The following EIF4A3 variants were observed in gnomAD, a reference collection of about 807,000 sequenced individuals.
EIF4A3 encodes the protein eukaryotic initiation factor 4A-III.
Under a neutral mutation model 55.6 loss-of-function variants are expected in EIF4A3, and 1 was observed. That is an observed-to-expected ratio of 0.02 (90% confidence interval 0.01 to 0.09). The LOEUF (loss-of-function observed/expected upper bound fraction) is 0.09, where lower values mean the gene tolerates loss of function less well. EIF4A3 is among the 10% of genes least tolerant of loss of function. The pLI, the probability that EIF4A3 is intolerant of heterozygous loss-of-function variation, is 1.00. For missense variants in EIF4A3, 221 were observed against 540.7 expected, an observed-to-expected ratio of 0.41 and a Z score of 5.86; for synonymous variants, 194 against 196.3, an observed-to-expected ratio of 0.99 and a Z score of 0.10.
At chr17:80,145,988 A>T (rs1234886904) in intron 1 of EIF4A3, among the ~76,000 whole-genome samples, 1 of 152,070 alleles carries the variant, frequency 6.6e-6, no homozygotes, top group African/African-American at 2.4e-5. Context: ...AAATCTACAG[A>T]CACCCAGAAG....
At chr17:80,146,686 C>G in intron 1 of EIF4A3, 107 bp downstream of exon 1, 1 of 1,355,466 alleles carries the variant, frequency 7.4e-7, no homozygotes, top group Non-Finnish European at 9.8e-7. Flanking sequence ...ACCCTGACCA[C>G]GACCTCCGGA....
chr17:80,141,231 T>C (rs1292318879), intron 4 of EIF4A3, 88 bp downstream of exon 4: 9 of 1,369,918 alleles, frequency 6.6e-6, no homozygotes, highest in Non-Finnish European at 9.1e-6. Flanking sequence ...GAAAACAGGA[T>C]TGGATTAAAT....
intron 11 of EIF4A3, 61 bp from the exon 12 acceptor site, chr17:80,135,567 G>A (rs149793867): frequency 1.1e-5 from 16 of 1,466,812 alleles, no homozygotes; most frequent in Admixed American, 8.4e-5. Context: ...ATTTGTTAAC[G>A]TAAATTTAAC....
chr17:80,143,543 C>T (rs1432469665), intron 2 of EIF4A3, among the ~76,000 whole-genome samples: 1 of 152,172 alleles, frequency 6.6e-6, no homozygotes, highest in African/African-American at 2.4e-5. Context: ...AAGCCCCACA[C>T]CTCTGCTCAC....
intron 1 of EIF4A3, among the ~76,000 whole-genome samples, chr17:80,146,504 G>T (rs377242618): frequency 6.6e-6 from 1 of 152,222 alleles, no homozygotes; most frequent in African/African-American, 2.4e-5. Flanking sequence ...GTAGAAATCA[G>T]TTATCTGCTG....
In EIF4A3 at chr17:80,138,385, G is replaced by A. The variant is rs1045498680; in HGVS notation, c.729-105C>T. ...AGACCCTGGTGGAAAAGGTCACACC[G>A]TGATATCTGGTGCAGACCCAGCAGC... is the stretch of plus-strand genomic sequence containing the variant. On this transcript the variant is annotated intron_variant, in intron 7 of 11. Coordinates refer to ENST00000649764, the MANE Select transcript of EIF4A3 (RefSeq NM_014740.4). The A allele has an allele frequency of 1.5e-5, 21 of 1,410,472 alleles. No homozygotes were observed. The African/African-American group carries it at 1.7e-4, about 11-fold the overall frequency. 87.4% of individuals were successfully genotyped at this position (1,410,472 alleles called of 1,614,324 possible).
chr17:80,134,457 G>C lies in EIF4A3; in HGVS notation c.*1033C>G, dbSNP rs967786515. ...GTTTGTCAACATTGTGGTAAGTCAT[G>C]ATCCTGCCACTATACTCCTGCCTGG... On this transcript the variant is annotated 3_prime_UTR_variant, in exon 12 of 12. Transcript: ENST00000649764. Among the ~76,000 whole-genome samples, 41 of 152,088 alleles carry C rather than the reference G, an allele frequency of 2.7e-4. No individual in the cohort carries two copies. The highest frequency in any genetic ancestry group is 2.3e-3 in the Admixed American group (35 of 15,280).
chr17:80,146,988 C>A lies in EIF4A3; in HGVS notation c.-27G>T. The stretch of plus-strand genomic sequence containing the variant: ...ATTCAGAGTCCGCGGAAGAGCACAG[C>A]GCGCGCCGCTGCCGACCTCGCTGCC... On this transcript the variant is annotated 5_prime_UTR_variant, in exon 1 of 12. Coordinates refer to ENST00000649764, the MANE Select transcript of EIF4A3 (RefSeq NM_014740.4). 1.3e-6 allele frequency: 2 copies of A among 1,560,568 alleles called. No individual in the cohort carries two copies. Among genetic ancestry groups the A allele is most frequent in the East Asian group, 2.5e-5 (1 of 39,920 alleles).
chr17:80,139,119 T>C lies in EIF4A3; in HGVS notation c.630A>G (p.Pro210=), dbSNP rs1359360389. ...QIYDVYRYLP[P]ATQVVLISAT... is the part of the protein sequence containing the mutation. Reference sequence around the variant, plus strand: ...CACTGATGAGAACCACCTGTGTGGCTGGAGGCAGGTACCTGTATACATCGT... The same window carrying C: ...CACTGATGAGAACCACCTGTGTGGCCGGAGGCAGGTACCTGTATACATCGT... The change falls in exon 7 of 12, where the codon CCA becomes CCG. Residue 210 remains proline (P), a synonymous_variant. Transcript: ENST00000649764. 6.2e-7 allele frequency: 1 copy of C among 1,614,028 alleles called. No homozygotes were observed. The highest frequency in any genetic ancestry group is 8.5e-7 in the Non-Finnish European group (1 of 1,180,044).
At position 80,136,378 on chromosome 17, in the gene EIF4A3, C is replaced by A. The variant is rs776258081; in HGVS notation, c.984-43G>T. ...GTTTGAGGCGATTAAATTACTCATACAAGTGTAAGACTGGACTTGCTTCCA... is the reference window on the plus strand; with the variant it reads ...GTTTGAGGCGATTAAATTACTCATAAAAGTGTAAGACTGGACTTGCTTCCA... On this transcript the variant is annotated intron_variant, in intron 9 of 11. Transcript: ENST00000649764. The A allele has an allele frequency of 9.2e-6, 14 of 1,521,530 alleles. No individual in the cohort carries two copies. In the Admixed American group the frequency reaches 2.3e-4, roughly 25 times the overall value. 94.3% of individuals were successfully genotyped at this position (1,521,530 alleles called of 1,614,324 possible).
At chr17:80,144,715 G>A (rs1302972283) in intron 1 of EIF4A3, among the ~76,000 whole-genome samples, 1 of 151,980 alleles carries the variant, frequency 6.6e-6, no homozygotes, top group Non-Finnish European at 1.5e-5. Context: ...TCTAGCCATT[G>A]TTCTCTCCTA....
At chr17:80,141,624 CAT>C in intron 3 of EIF4A3, 156 bp downstream of exon 3, 1 of 734,056 alleles carries the variant, frequency 1.4e-6, no homozygotes, top group Non-Finnish European at 2.2e-6. Context: ...AATATTAGTG[CAT>C]ATATTAGTGT....
Position 80,134,704 on chromosome 17 carries a change from G to A in EIF4A3, c.*786C>T, listed in dbSNP as rs2039556003. On this transcript the variant is annotated 3_prime_UTR_variant, in exon 12 of 12. Transcript: ENST00000649764. ...CCAGATGTGCTGGCATGCACCTGTAGTCCCAGCTACTCAGGAGGGTGAGGT... is the reference window on the plus strand; with the variant it reads ...CCAGATGTGCTGGCATGCACCTGTAATCCCAGCTACTCAGGAGGGTGAGGT... Among the ~76,000 whole-genome samples, 2 of 152,124 alleles carry A rather than the reference G, an allele frequency of 1.3e-5. No homozygotes were observed. Among genetic ancestry groups the A allele is most frequent in the Admixed American group, 6.5e-5 (1 of 15,268 alleles).
chr17:80,134,768 G>A lies in EIF4A3; in HGVS notation c.*722C>T, dbSNP rs930665664. 5.3e-5 allele frequency among the ~76,000 whole-genome samples: 8 copies of A among 152,310 alleles called. No individual in the cohort carries two copies. The highest frequency in any genetic ancestry group is 3.4e-3 in the Middle Eastern group (1 of 294). Reference sequence around the variant, plus strand: ...GAGCCCAGGAGGTTGTGGCTGCAATGAGTTGTGATGGTGCCACTGCTCTTC... The same window carrying A: ...GAGCCCAGGAGGTTGTGGCTGCAATAAGTTGTGATGGTGCCACTGCTCTTC... On this transcript the variant is annotated 3_prime_UTR_variant, in exon 12 of 12. Coordinates refer to ENST00000649764, the MANE Select transcript of EIF4A3 (RefSeq NM_014740.4).
At chr17:80,146,102 C>A (rs2039660501) in intron 1 of EIF4A3, among the ~76,000 whole-genome samples, 1 of 152,196 alleles carries the variant, frequency 6.6e-6, no homozygotes, top group Non-Finnish European at 1.5e-5. Flanking sequence ...CGTCACCCTA[C>A]ACGTCTTTGC....
chr17:80,135,517 A>G lies in EIF4A3; in HGVS notation c.1220-11T>C. The stretch of plus-strand genomic sequence containing the variant: ...AGATAAGATCAGCAACTGAAAGTGA[A>G]GAAAGAAACAGATTAAGGAACAACA... On this transcript the variant is annotated splice_polypyrimidine_tract_variant and intron_variant, in intron 11 of 11. Transcript: ENST00000649764. 1 of 1,553,584 alleles carries G rather than the reference A, an allele frequency of 6.4e-7. No homozygotes were observed. The highest frequency in any genetic ancestry group is 8.7e-7 in the Non-Finnish European group (1 of 1,147,390).
intron 4 of EIF4A3, chr17:80,140,461 C>T: frequency 4.8e-6 from 1 of 208,680 alleles, no homozygotes; most frequent in South Asian, 8.6e-5. Context: ...CTACAGGCGC[C>T]CGCCACCACA....
chr17:80,136,359 G>A, intron 9 of EIF4A3, 24 bp from the exon 10 acceptor site: 1 of 1,585,632 alleles, frequency 6.3e-7, no homozygotes, highest in Non-Finnish European at 8.6e-7. Flanking sequence ...GAGTGTTTGA[G>A]GCGATTAAAT....
intron 4 of EIF4A3, 149 bp downstream of exon 4, chr17:80,141,170 T>A (rs1018574099): frequency 4.0e-6 from 3 of 752,544 alleles, no homozygotes; most frequent in Non-Finnish European, 4.1e-6. Flanking sequence ...CAGCAATTTA[T>A]ATAATGATTA....
Sources: allele counts gnomAD v4.1 joint callset (sites outside exome capture counted in the v4.1 genomes callset), GRCh38; gene constraint gnomAD v4.1.1; transcripts MANE v1.5; gene names NCBI Gene and HGNC (gene_info 2026-07-23, HGNC 2026-07-21).